The following CCDC7 variants were observed in gnomAD, a reference collection of about 807,000 sequenced individuals.
CCDC7 encodes coiled-coil domain containing 7.
A neutral mutation model predicts 196.9 loss-of-function variants in CCDC7; 183 were observed. The ratio of observed to expected loss-of-function variants is 0.93; its 90% CI spans 0.82 to 1.05. CCDC7 has a LOEUF of 1.05. CCDC7 is among the 50% of genes least tolerant of loss of function. The pLI, the probability that CCDC7 is intolerant of heterozygous loss-of-function variation, is 0.00. For synonymous variants in CCDC7, 525 were observed against 484.6 expected, an observed-to-expected ratio of 1.08 and a Z score of -1.10; for missense variants, 1,540 against 1,482.2, an observed-to-expected ratio of 1.04 and a Z score of -0.64.
chr10:32,620,633 C>T (rs928340898), intron 18 of CCDC7, among the ~76,000 whole-genome samples: 4 of 152,062 alleles, frequency 2.6e-5, no homozygotes, highest in Non-Finnish European at 1.5e-5. Context: ...CACTGCTAGA[C>T]ACTGTTGATT....
chr10:32,540,365 T>A (rs186404043), intron 11 of CCDC7, among the ~76,000 whole-genome samples: 1 of 152,340 alleles, frequency 6.6e-6, no homozygotes. Flanking sequence ...CTGTTTTCCA[T>A]GTGCATGGTA....
At position 32,518,593 on chromosome 10, in the gene CCDC7, A is replaced by G. The variant is rs1041894873; in HGVS notation, c.993+88A>G. ...GAAATCAAAGAGCTATTTAAATGTT[A>G]TATAATATGTTTTTACTATTAATAA... On this transcript the variant is annotated intron_variant, in intron 11 of 41. Transcript: ENST00000639629. The G allele has an allele frequency of 3.0e-6, 3 of 1,014,832 alleles. No individual in the cohort carries two copies. In the South Asian group the frequency reaches 8.7e-5, roughly 29 times the overall value. 62.9% of individuals were successfully genotyped at this position (1,014,832 alleles called of 1,614,324 possible).
chr10:32,561,648 G>A (rs542604693), intron 13 of CCDC7, among the ~76,000 whole-genome samples: 5 of 152,296 alleles, frequency 3.3e-5, no homozygotes, highest in African/African-American at 7.2e-5. Flanking sequence ...CACATTCAAC[G>A]CAGTGTGTAG....
intron 21 of CCDC7, among the ~76,000 whole-genome samples, chr10:32,681,784 C>CACACACACACACAG (rs2075895044): frequency 6.9e-6 from 1 of 145,690 alleles, no homozygotes; most frequent in Admixed American, 6.9e-5. Flanking sequence ...CACACACACA[C>CACACACACACACAG]AGCTTCATAC....
chr10:32,859,398 C>T (rs1300506685), intron 41 of CCDC7, among the ~76,000 whole-genome samples: 1 of 152,098 alleles, frequency 6.6e-6, no homozygotes, highest in Admixed American at 6.6e-5. Context: ...ATATCAGAAC[C>T]TCTGGGACAC....
intron 8 of CCDC7, among the ~76,000 whole-genome samples, chr10:32,484,938 G>A (rs2040721151): frequency 1.3e-5 from 2 of 152,294 alleles, no homozygotes; most frequent in Middle Eastern, 3.4e-3. Context: ...ATGTTCATCA[G>A]GGATATTGGT....
At chr10:32,556,656 A>G (rs2054401836) in intron 13 of CCDC7, among the ~76,000 whole-genome samples, 1 of 152,172 alleles carries the variant, frequency 6.6e-6, no homozygotes, top group Non-Finnish European at 1.5e-5. Context: ...TTAATTTACA[A>G]GATTTCTAAA....
At chr10:32,778,804 C>T (rs1191603723) in intron 28 of CCDC7, among the ~76,000 whole-genome samples, 173 bp from the exon 30 acceptor site, 2 of 152,256 alleles carry the variant, frequency 1.3e-5, no homozygotes, top group East Asian at 1.9e-4. Flanking sequence ...TCTCTCAATC[C>T]GTTAGCATGG....
intron 18 of CCDC7, among the ~76,000 whole-genome samples, chr10:32,597,886 C>T (rs60286279): frequency 0.044 from 6,646 of 152,236 alleles, 486 homozygotes; most frequent in African/African-American, 0.15. Flanking sequence ...GAGGGGCACC[C>T]GGCCTTATGA....
intron 9 of CCDC7, among the ~76,000 whole-genome samples, chr10:32,497,817 G>A (rs556372731): frequency 5.3e-5 from 8 of 152,112 alleles, no homozygotes; most frequent in Non-Finnish European, 1.2e-4. Flanking sequence ...TTCCAATTTT[G>A]TGGTCAATTT....
At chr10:32,824,603 T>C in exon 32 of CCDC7, 1 of 1,601,632 alleles carries the variant, frequency 6.2e-7, no homozygotes, top group Non-Finnish European at 8.5e-7. Flanking sequence ...AGAGTTACCC[T>C]GGTAAGAATA....
chr10:32,771,320 A>G (rs1337159566), intron 28 of CCDC7, among the ~76,000 whole-genome samples: 1 of 152,184 alleles, frequency 6.6e-6, no homozygotes, highest in African/African-American at 2.4e-5. Context: ...TTCTTCATTT[A>G]TAAAACTTAG....
At chr10:32,646,249 A>T (rs770390306) in intron 20 of CCDC7, among the ~76,000 whole-genome samples, 3 of 151,162 alleles carry the variant, frequency 2.0e-5, no homozygotes, top group Non-Finnish European at 4.4e-5. Context: ...TGTCTCAAGG[A>T]ATTTTTAAAT....
rs575333225 is a variant in CCDC7, at chr10:32,875,873, A to G, written c.4112-474A>G. Among the ~76,000 whole-genome samples, 203 of 152,148 alleles carry G rather than the reference A, an allele frequency of 1.3e-3. 1 individual carries two copies. Among genetic ancestry groups the G allele is most frequent in the Non-Finnish European group, 1.4e-3 (95 of 67,958 alleles). Reference sequence around the variant, plus strand: ...AAACTGACTGATTTTTTGAAGAACCATAGGCATATTAAGTATATACATTTT... The same window carrying G: ...AAACTGACTGATTTTTTGAAGAACCGTAGGCATATTAAGTATATACATTTT... On this transcript the variant is annotated intron_variant, in intron 41 of 41. Coordinates refer to ENST00000639629, the Ensembl canonical transcript of CCDC7.
intron 23 of CCDC7, among the ~76,000 whole-genome samples, chr10:32,694,162 CCTTGA>C (rs1299110960): frequency 6.6e-6 from 1 of 152,112 alleles, no homozygotes. Flanking sequence ...GAAGTTTATT[CCTTGA>C]CTTAACTCAC....
At chr10:32,506,486 G>T (rs980314454) in intron 9 of CCDC7, among the ~76,000 whole-genome samples, 1 of 152,256 alleles carries the variant, frequency 6.6e-6, no homozygotes. Flanking sequence ...TTAGCACTTT[G>T]GGAGGCCAAG....
Position 32,845,151 on chromosome 10 carries a change from T to C in CCDC7, c.3353-92T>C, listed in dbSNP as rs547179305. 1.9e-4 allele frequency: 132 copies of C among 685,318 alleles called. 1 individual carries two copies. Among genetic ancestry groups the C allele is most frequent in the Non-Finnish European group, 2.1e-4 (89 of 422,264 alleles). The allele number at this position is 685,318 out of a possible 1,614,324, so 42.5% of individuals were successfully genotyped here. A position where few individuals can be genotyped will look rare whatever the true frequency, so the allele number is the denominator to read the frequency against. On this transcript the variant is annotated intron_variant, in intron 33 of 41. Coordinates refer to ENST00000639629, the Ensembl canonical transcript of CCDC7. The stretch of plus-strand genomic sequence containing the variant: ...AGTATTATATAGGTGAAATTCTAAA[T>C]GAATATCCTCCTATAATTAAACACA...
chr10:32,451,929 G>C lies in CCDC7; in HGVS notation c.279+8G>C, dbSNP rs1349329882. ...ATCAAACATCTGAAGATGGTAAGAGGCTTGTTAGTTTCTGTGTTGCAGGGC... is the reference window on the plus strand; with the variant it reads ...ATCAAACATCTGAAGATGGTAAGAGCCTTGTTAGTTTCTGTGTTGCAGGGC... On this transcript the variant is annotated splice_region_variant and intron_variant, in intron 1 of 41. Coordinates refer to ENST00000639629, the Ensembl canonical transcript of CCDC7. The C allele has an allele frequency of 6.2e-7, 1 of 1,605,146 alleles. No homozygotes were observed. The highest frequency in any genetic ancestry group is 8.5e-7 in the Non-Finnish European group (1 of 1,175,400).
At chr10:32,520,571 A>AT (rs1003212083) in intron 11 of CCDC7, among the ~76,000 whole-genome samples, 11 of 151,656 alleles carry the variant, frequency 7.3e-5, no homozygotes, top group South Asian at 6.2e-4. Context: ...GGATTATTAG[A>AT]TTTTTTTTCC....
Sources: gnomAD v4.1 joint callset for allele counts (sites outside exome capture counted in the v4.1 genomes callset) on GRCh38, gnomAD v4.1.1 for gene constraint, MANE v1.5 for transcripts, NCBI Gene and HGNC (gene_info 2026-07-23, HGNC 2026-07-21) for gene names.